The following ZFAT variants were observed in gnomAD, a reference collection of about 807,000 sequenced individuals.
ZFAT encodes the protein zinc finger protein ZFAT.
ZFAT carries 64 observed loss-of-function variants against 117.7 expected under a neutral mutation model. The ratio of observed to expected loss-of-function variants is 0.54; its 90% CI spans 0.44 to 0.67. ZFAT has a LOEUF of 0.67. Among genes scored for constraint, ZFAT ranks in the 30% least tolerant of loss-of-function variants. The pLI is 0.00. For synonymous variants in ZFAT, 679 were observed against 615.0 expected, an observed-to-expected ratio of 1.10 and a Z score of -1.54; for missense variants, 1,433 against 1,584.5, an observed-to-expected ratio of 0.90 and a Z score of 1.62.
intron 15 of ZFAT, among the ~76,000 whole-genome samples, chr8:134,485,924 G>A (rs1817625468): frequency 6.6e-6 from 1 of 152,180 alleles, no homozygotes. Context: ...AACAGGGTGC[G>A]AAGAACCTCC....
chr8:134,481,464 G>A (rs745767703), intron 15 of ZFAT, among the ~76,000 whole-genome samples: 1 of 152,190 alleles, frequency 6.6e-6, no homozygotes, highest in Non-Finnish European at 1.5e-5. Flanking sequence ...GACTGCCACC[G>A]AAGCGAACCC....
chr8:134,766,932 C>T, the ZFAT span: 1 of 152,258 alleles, frequency 6.6e-6, no homozygotes. Flanking sequence ...TTAGCCAAAG[C>T]TTCTGCATTG....
At chr8:134,692,667 T>C (rs1833638346) in intron 1 of ZFAT, among the ~76,000 whole-genome samples, 1 of 152,158 alleles carries the variant, frequency 6.6e-6, no homozygotes, top group South Asian at 2.1e-4. Flanking sequence ...AACAAAACCA[T>C]ACTTTAAATG....
At chr8:134,802,928 T>C in the ZFAT span, among the ~76,000 whole-genome samples, 2 of 152,174 alleles carry the variant, frequency 1.3e-5, no homozygotes, top group South Asian at 2.1e-4. Context: ...TTCTTCAATA[T>C]AAAAACATAA....
In ZFAT at chr8:134,635,951, TG is replaced by T. The variant is rs1327474777; in HGVS notation, c.448+1509del. 2.6e-5 allele frequency among the ~76,000 whole-genome samples: 4 copies of T among 152,318 alleles called. No homozygotes were observed. The South Asian group carries it at 8.3e-4, about 32-fold the overall frequency. ...CATTTAGGGACAGCTCCACCTCCTT[TG>T]ATCCTCATGGGTTATTTTCATGAGC... On this transcript the variant is annotated intron_variant, in intron 3 of 15. Coordinates refer to ENST00000377838, the MANE Select transcript of ZFAT (RefSeq NM_020863.4).
chr8:134,658,364 A>T (rs73711297), intron 1 of ZFAT, among the ~76,000 whole-genome samples: 4,646 of 136,014 alleles, frequency 0.034, 247 homozygotes, highest in African/African-American at 0.12. Flanking sequence ...GCAACTTAAA[A>T]AACTAAATCC....
intron 13 of ZFAT, among the ~76,000 whole-genome samples, chr8:134,513,634 C>T (rs1377657008): frequency 1.3e-5 from 2 of 152,114 alleles, no homozygotes; most frequent in African/African-American, 4.8e-5. Flanking sequence ...TTTTACAGAA[C>T]TAGATGTTAA....
At chr8:134,610,424 A>T (rs1253793445) in intron 4 of ZFAT, 46 bp downstream of exon 4, 1 of 1,569,242 alleles carries the variant, frequency 6.4e-7, no homozygotes, top group South Asian at 1.2e-5. Context: ...CTTGGCACAG[A>T]CTTGCCAAGG....
chr8:134,572,614 C>T (rs775992215), intron 10 of ZFAT, among the ~76,000 whole-genome samples: 33 of 152,172 alleles, frequency 2.2e-4, no homozygotes, highest in Non-Finnish European at 3.4e-4. Flanking sequence ...CCTAATTGTG[C>T]GAATAATCTC....
At chr8:134,483,317 T>C (rs1401848261) in intron 15 of ZFAT, among the ~76,000 whole-genome samples, 1 of 152,168 alleles carries the variant, frequency 6.6e-6, no homozygotes, top group Non-Finnish European at 1.5e-5. Flanking sequence ...GTGACTTATG[T>C]AAGGTCAAAA....
intron 15 of ZFAT, among the ~76,000 whole-genome samples, chr8:134,491,048 T>C (rs991472959): frequency 8.5e-5 from 13 of 152,214 alleles, no homozygotes; most frequent in Admixed American, 7.2e-4. Context: ...CAACCAAGAA[T>C]TGTTCTGTTC....
At chr8:134,670,400 G>A (rs1393383256) in intron 1 of ZFAT, among the ~76,000 whole-genome samples, 1 of 152,218 alleles carries the variant, frequency 6.6e-6, no homozygotes, top group Non-Finnish European at 1.5e-5. Context: ...ATAACAAACT[G>A]TCTCTCAGAC....
intron 15 of ZFAT, among the ~76,000 whole-genome samples, chr8:134,508,618 T>C (rs1819591136): frequency 6.6e-6 from 1 of 152,198 alleles, no homozygotes; most frequent in African/African-American, 2.4e-5. Context: ...TCCCTTGCTT[T>C]ACTTTTCTCC....
In ZFAT at chr8:134,594,399, T is replaced by C. The variant is rs188086303; in HGVS notation, c.2476-4044A>G. On this transcript the variant is annotated intron_variant, in intron 7 of 15. Transcript: ENST00000377838. Reference sequence around the variant, plus strand: ...ATTGAAAGTAGCTTCGTCTACCTTCTCAGTGCTTTGTTGGCAATATATTAT... The same window carrying C: ...ATTGAAAGTAGCTTCGTCTACCTTCCCAGTGCTTTGTTGGCAATATATTAT... Among the ~76,000 whole-genome samples the C allele has an allele frequency of 6.6e-5, 10 of 152,388 alleles. No homozygotes were observed. In the East Asian group the frequency reaches 1.9e-3, roughly 29 times the overall value.
chr8:134,756,661 G>A, the ZFAT span, among the ~76,000 whole-genome samples: 1 of 152,228 alleles, frequency 6.6e-6, no homozygotes, highest in Non-Finnish European at 1.5e-5. Flanking sequence ...AGTGGCAGGG[G>A]CTGCCCCACC....
At chr8:134,774,249 G>A in the ZFAT span, among the ~76,000 whole-genome samples, 17 of 152,138 alleles carry the variant, frequency 1.1e-4, no homozygotes, top group South Asian at 8.3e-4. Flanking sequence ...CACCTGCATC[G>A]GCCTCCCAAA....
At chr8:134,569,717 G>A (rs1359920488) in intron 10 of ZFAT, among the ~76,000 whole-genome samples, 2 of 152,056 alleles carry the variant, frequency 1.3e-5, no homozygotes, top group Admixed American at 1.3e-4. Flanking sequence ...ATGAGGCTGC[G>A]GGTGCATACA....
intron 2 of ZFAT, among the ~76,000 whole-genome samples, chr8:134,645,128 T>C (rs1202471271): frequency 2.6e-5 from 4 of 152,144 alleles, no homozygotes; most frequent in African/African-American, 7.2e-5. Flanking sequence ...ACTTCCTACA[T>C]GAGCAAAAAA....
intron 3 of ZFAT, among the ~76,000 whole-genome samples, chr8:134,630,631 T>C (rs1259898932): frequency 6.6e-6 from 1 of 152,152 alleles, no homozygotes; most frequent in Non-Finnish European, 1.5e-5. Flanking sequence ...AGTTCAGAAG[T>C]CACTTTTATA....
Sources: allele counts gnomAD v4.1 joint callset (sites outside exome capture counted in the v4.1 genomes callset), GRCh38; gene constraint gnomAD v4.1.1; transcripts MANE v1.5; gene names NCBI Gene and HGNC (gene_info 2026-07-23, HGNC 2026-07-21).